Variants in KCNMA1 observed in about 807,000 individuals in gnomAD.
KCNMA1 encodes Calcium-activated potassium channel subunit alpha-1.
In KCNMA1, 29 loss-of-function variants were observed where a neutral mutation model predicts 140.0. The ratio of observed to expected loss-of-function variants is 0.21; its 90% CI spans 0.15 to 0.28. The LOEUF (loss-of-function observed/expected upper bound fraction) is 0.28. KCNMA1 is among the 10% of genes least tolerant of loss of function. The pLI is 1.00. For missense variants in KCNMA1, 880 were observed against 1,602.2 expected (o/e 0.55, Z 7.70); for synonymous variants, 612 against 611.9 (o/e 1.00, Z 0.00).
intron 23 of KCNMA1, among the ~76,000 whole-genome samples, chr10:76,916,219 C>G (rs2052832220): frequency 6.6e-6 from 1 of 152,160 alleles, no homozygotes; most frequent in Non-Finnish European, 1.5e-5. Context: ...GTGCCAAACA[C>G]AGACCACATA....
At chr10:76,956,264 C>A (rs541103734) in intron 20 of KCNMA1, among the ~76,000 whole-genome samples, 4 of 152,222 alleles carry the variant, frequency 2.6e-5, no homozygotes, top group Admixed American at 2.6e-4. Context: ...CAGCTAATGT[C>A]AAGCTTCATT....
At chr10:76,996,890 T>C (rs2084551194) in intron 19 of KCNMA1, among the ~76,000 whole-genome samples, 1 of 152,162 alleles carries the variant, frequency 6.6e-6, no homozygotes, top group Admixed American at 6.5e-5. Flanking sequence ...ATAAAAGGAA[T>C]GAGATAATTA....
At chr10:77,000,858 ATATATATATATATATATAT>A (rs201432755) in intron 19 of KCNMA1, among the ~76,000 whole-genome samples, 964 of 88,108 alleles carry the variant, frequency 0.011, 114 homozygotes, top group Admixed American at 0.035. Context: ...TAAAAAGAAA[ATATATATATATATATATAT>A]ATATATATAT....
chr10:77,501,947 GAC>G (rs2044065172), intron 1 of KCNMA1, among the ~76,000 whole-genome samples: 1 of 150,728 alleles, frequency 6.6e-6, no homozygotes, highest in African/African-American at 2.5e-5. Context: ...CACTGTGGCT[GAC>G]TGTGTGTCAT....
At chr10:77,214,372 C>T (rs200946940) in intron 3 of KCNMA1, among the ~76,000 whole-genome samples, 2 of 152,110 alleles carry the variant, frequency 1.3e-5, no homozygotes, top group East Asian at 3.9e-4. Context: ...ACTTTTTTTC[C>T]TACCAGCAGC....
At chr10:77,271,925 G>C (rs1220754978) in intron 2 of KCNMA1, among the ~76,000 whole-genome samples, 1 of 152,178 alleles carries the variant, frequency 6.6e-6, no homozygotes, top group Non-Finnish European at 1.5e-5. Context: ...ACCCTCCAAG[G>C]TGAGGACAGA....
At chr10:77,142,506 T>C (rs543990209) in intron 5 of KCNMA1, among the ~76,000 whole-genome samples, 4 of 152,282 alleles carry the variant, frequency 2.6e-5, no homozygotes, top group African/African-American at 7.2e-5. Context: ...AAATGTGACA[T>C]ACATACGCAA....
intron 2 of KCNMA1, among the ~76,000 whole-genome samples, chr10:77,356,140 T>C (rs76453569): frequency 0.014 from 2,192 of 152,284 alleles, 48 homozygotes; most frequent in African/African-American, 0.05. Flanking sequence ...GAATGTCTTA[T>C]TCATCCCTAA....
In KCNMA1 at chr10:77,328,196, G is replaced by A. The variant is rs137966317; in HGVS notation, c.540+75666C>T. Among the ~76,000 whole-genome samples, 59 of 152,270 alleles carry A rather than the reference G, an allele frequency of 3.9e-4. 1 individual carries two copies. The highest frequency in any genetic ancestry group is 1.3e-3 in the African/African-American group (52 of 41,550). On this transcript the variant is annotated intron_variant, in intron 2 of 27. Coordinates refer to ENST00000286628, the MANE Select transcript of KCNMA1 (RefSeq NM_001161352.2). ...CAATACATGCAAAACAGTACTTGGCGCACAGTAAGCACTCAATAAATATGT... is the reference window on the plus strand; with the variant it reads ...CAATACATGCAAAACAGTACTTGGCACACAGTAAGCACTCAATAAATATGT...
chr10:77,185,149 T>C (rs138578898), intron 3 of KCNMA1, among the ~76,000 whole-genome samples: 1 of 152,216 alleles, frequency 6.6e-6, no homozygotes, highest in African/African-American at 2.4e-5. Context: ...GAAATTATTA[T>C]ATACTATCAT....
At chr10:77,064,905 T>C (rs1250672136) in intron 14 of KCNMA1, among the ~76,000 whole-genome samples, 1 of 152,186 alleles carries the variant, frequency 6.6e-6, no homozygotes, top group Non-Finnish European at 1.5e-5. Flanking sequence ...CTCTGCACAA[T>C]CCTTGTCAAG....
intron 1 of KCNMA1, among the ~76,000 whole-genome samples, chr10:77,506,424 GAGAGAAACCA>G (rs1224691676): frequency 6.6e-6 from 1 of 152,146 alleles, no homozygotes; most frequent in Non-Finnish European, 1.5e-5. Context: ...CTTATACTTA[GAGAGAAACCA>G]AGAACACAGT....
At chr10:77,437,326 G>A (rs750194805) in intron 1 of KCNMA1, among the ~76,000 whole-genome samples, 149 of 152,290 alleles carry the variant, frequency 9.8e-4, no homozygotes, top group Non-Finnish European at 1.8e-3. Flanking sequence ...TGGGAGGCAG[G>A]AAGTTCGGTT....
chr10:77,452,919 G>T (rs373605957), intron 1 of KCNMA1, among the ~76,000 whole-genome samples: 9 of 152,126 alleles, frequency 5.9e-5, no homozygotes, highest in Non-Finnish European at 1.0e-4. Flanking sequence ...CTCATTTAAG[G>T]GTGAGCAGAT....
At chr10:77,382,994 G>GTGTGTGTGTA (rs1491457588) in intron 2 of KCNMA1, among the ~76,000 whole-genome samples, 114 of 46,418 alleles carry the variant, frequency 2.5e-3, no homozygotes, top group Admixed American at 3.2e-3. Flanking sequence ...GTGTGTGTGT[G>GTGTGTGTGTA]TATATATATA....
At chr10:77,471,245 TAC>T (rs1349514015) in intron 1 of KCNMA1, among the ~76,000 whole-genome samples, 4 of 139,218 alleles carry the variant, frequency 2.9e-5, no homozygotes, top group East Asian at 2.2e-4. Context: ...CAACTCACAC[TAC>T]ACACACAACG....
At chr10:77,112,223 A>G in intron 7 of KCNMA1, 144 bp downstream of exon 7, 1 of 690,864 alleles carries the variant, frequency 1.4e-6, no homozygotes, top group Non-Finnish European at 2.7e-6. Context: ...GGAAACCCAG[A>G]CAATTGTGTG....
intron 5 of KCNMA1, among the ~76,000 whole-genome samples, chr10:77,146,160 T>C (rs1336477719): frequency 6.6e-6 from 1 of 152,198 alleles, no homozygotes; most frequent in Non-Finnish European, 1.5e-5. Flanking sequence ...TTAGCTAAGA[T>C]AGGAAAGATG....
chr10:77,441,103 G>C (rs182010053), intron 1 of KCNMA1, among the ~76,000 whole-genome samples: 100 of 152,176 alleles, frequency 6.6e-4, no homozygotes, highest in Admixed American at 4.9e-3. Flanking sequence ...GATTACAGGC[G>C]TGAGCCACCG....
Sources: gnomAD v4.1 joint callset for allele counts (sites outside exome capture counted in the v4.1 genomes callset) on GRCh38, gnomAD v4.1.1 for gene constraint, MANE v1.5 for transcripts, NCBI Gene and HGNC (gene_info 2026-07-23, HGNC 2026-07-21) for gene names.